Variants in RAB7A observed in about 807,000 individuals in gnomAD.
The protein encoded by RAB7A is RAB7A, member RAS oncogene family.
In RAB7A, 2 loss-of-function variants were observed where a neutral mutation model predicts 24.5. The observed-to-expected ratio is 0.08, with a 90% CI of 0.03 to 0.26. The LOEUF (loss-of-function observed/expected upper bound fraction) is 0.26, where lower values mean the gene tolerates loss of function less well. RAB7A is among the 10% of genes least tolerant of loss of function. RAB7A has a pLI of 1.00. For missense variants in RAB7A, 118 were observed against 255.7 expected, an observed-to-expected ratio of 0.46 and a Z score of 3.67; for synonymous variants, 100 against 95.9, an observed-to-expected ratio of 1.04 and a Z score of -0.25.
intron 1 of RAB7A, among the ~76,000 whole-genome samples, chr3:128,771,319 G>A (rs1199983993): frequency 6.6e-6 from 1 of 152,160 alleles, no homozygotes; most frequent in African/African-American, 2.4e-5. Context: ...AGTTTGGGGG[G>A]CTCATCTTCA....
At chr3:128,759,407 A>G (rs2070758526) in intron 1 of RAB7A, among the ~76,000 whole-genome samples, 1 of 152,134 alleles carries the variant, frequency 6.6e-6, no homozygotes, top group African/African-American at 2.4e-5. Flanking sequence ...ATGACTACCT[A>G]AAAGTTGTCT....
chr3:128,770,134 C>T (rs2107600326), intron 1 of RAB7A, among the ~76,000 whole-genome samples: 1 of 152,072 alleles, frequency 6.6e-6, no homozygotes, highest in Non-Finnish European at 1.5e-5. Context: ...TCCTGAGTAG[C>T]TGGGACTACA....
chr3:128,802,383 A>G (rs1559796452), intron 3 of RAB7A, among the ~76,000 whole-genome samples: 1 of 152,252 alleles, frequency 6.6e-6, no homozygotes, highest in South Asian at 2.1e-4. Context: ...TAGTTTAAAC[A>G]GTGATATTAG....
chr3:128,796,081 ATCC>A (rs1329464610), intron 2 of RAB7A, among the ~76,000 whole-genome samples: 2 of 152,004 alleles, frequency 1.3e-5, no homozygotes, highest in African/African-American at 4.8e-5. Flanking sequence ...ACCATACAGT[ATCC>A]TCCTGCTGCT....
chr3:128,780,921 C>T (rs778106278), intron 1 of RAB7A, among the ~76,000 whole-genome samples: 2 of 152,156 alleles, frequency 1.3e-5, no homozygotes, highest in African/African-American at 4.8e-5. Context: ...GGCATTTTTG[C>T]CCTATGTAAA....
rs1183281292 is a variant in RAB7A at position 128,795,385 on chromosome 3, A to G, written c.18A>G (p.Lys6=). The G allele has an allele frequency of 6.2e-7, 1 of 1,613,280 alleles. No individual in the cohort carries two copies. The highest frequency in any genetic ancestry group is 1.7e-5 in the Admixed American group (1 of 60,000). Residue 6 remains lysine, a synonymous_variant, in exon 2 of 6, where the codon AAA becomes AAG. Transcript: ENST00000265062. MTSRK[K]VLLKVIILGD... Reference sequence around the variant, plus strand: ...TTTGAAGGATGACCTCTAGGAAGAAAGTGTTGCTGAAGGTTATCATCCTGG... The same window carrying G: ...TTTGAAGGATGACCTCTAGGAAGAAGGTGTTGCTGAAGGTTATCATCCTGG...
At chr3:128,806,019 A>G (rs982939367) in intron 3 of RAB7A, among the ~76,000 whole-genome samples, 6 of 152,134 alleles carry the variant, frequency 3.9e-5, no homozygotes, top group African/African-American at 1.4e-4. Flanking sequence ...TCACTTCCCT[A>G]TATTTCCATT....
chr3:128,754,887 A>G (rs1043559937), intron 1 of RAB7A, among the ~76,000 whole-genome samples: 2 of 152,240 alleles, frequency 1.3e-5, no homozygotes, highest in Admixed American at 6.5e-5. Flanking sequence ...TATGTGAAAC[A>G]TGACTGATAA....
chr3:128,773,195 C>T (rs907160831), intron 1 of RAB7A, among the ~76,000 whole-genome samples: 1 of 152,048 alleles, frequency 6.6e-6, no homozygotes, highest in Non-Finnish European at 1.5e-5. Context: ...AGCGCCTCTG[C>T]CCGGCCGCGA....
chr3:128,745,618 A>G (rs938931756), intron 1 of RAB7A, among the ~76,000 whole-genome samples: 9 of 152,010 alleles, frequency 5.9e-5, no homozygotes, highest in African/African-American at 1.9e-4. Context: ...CACATGCCTC[A>G]GCCTCCCAAA....
intron 3 of RAB7A, among the ~76,000 whole-genome samples, chr3:128,800,552 G>C (rs1223789929): frequency 6.6e-6 from 1 of 152,070 alleles, no homozygotes; most frequent in Non-Finnish European, 1.5e-5. Context: ...CCAAATTCCA[G>C]GAAGGATAAA....
intron 3 of RAB7A, among the ~76,000 whole-genome samples, chr3:128,801,611 A>C (rs1359846650): frequency 1.3e-5 from 2 of 152,236 alleles, no homozygotes; most frequent in African/African-American, 4.8e-5. Context: ...AATGCTGCTA[A>C]ATCATAGCAG....
intron 1 of RAB7A, among the ~76,000 whole-genome samples, chr3:128,740,548 C>T (rs2070542163): frequency 6.6e-6 from 1 of 151,720 alleles, no homozygotes; most frequent in Non-Finnish European, 1.5e-5. Flanking sequence ...TTTCTTAATC[C>T]TTGCCAGTTT....
intron 1 of RAB7A, among the ~76,000 whole-genome samples, chr3:128,728,415 C>G (rs1206710313): frequency 1.3e-5 from 2 of 152,134 alleles, no homozygotes; most frequent in African/African-American, 4.8e-5. Context: ...TAAAGAGTAA[C>G]CTTCAACACT....
intron 1 of RAB7A, among the ~76,000 whole-genome samples, chr3:128,789,608 C>G (rs574971687): frequency 6.6e-6 from 1 of 152,198 alleles, no homozygotes; most frequent in East Asian, 1.9e-4. Flanking sequence ...GCTGGGATTA[C>G]AGGCATGAGT....
At chr3:128,769,588 C>T (rs1019896230) in intron 1 of RAB7A, among the ~76,000 whole-genome samples, 25 of 152,234 alleles carry the variant, frequency 1.6e-4, no homozygotes, top group African/African-American at 5.8e-4. Context: ...TCTTTCCATT[C>T]TATTAATAGT....
intron 1 of RAB7A, among the ~76,000 whole-genome samples, chr3:128,774,501 G>T (rs1370848623): frequency 6.6e-6 from 1 of 151,480 alleles, no homozygotes; most frequent in African/African-American, 2.4e-5. Context: ...TTGCTCTGTT[G>T]CCCAGGCTGG....
chr3:128,758,266 G>GTTTTTT (rs1261789868), intron 1 of RAB7A, among the ~76,000 whole-genome samples: 1 of 124,374 alleles, frequency 8.0e-6, no homozygotes, highest in Non-Finnish European at 1.7e-5. Flanking sequence ...CCCAGTGTTT[G>GTTTTTT]TTTTTTTGTT....
At chr3:128,728,614 C>T (rs1379375920) in intron 1 of RAB7A, among the ~76,000 whole-genome samples, 2 of 151,418 alleles carry the variant, frequency 1.3e-5, no homozygotes, top group Non-Finnish European at 1.5e-5. Flanking sequence ...AGGCATGCGC[C>T]ACCATGCCCA....
Sources: allele counts gnomAD v4.1 joint callset (sites outside exome capture counted in the v4.1 genomes callset), GRCh38; gene constraint gnomAD v4.1.1; transcripts MANE v1.5; gene names NCBI Gene and HGNC (gene_info 2026-07-23, HGNC 2026-07-21).